The following DGKG variants were observed in gnomAD, a reference collection of about 807,000 sequenced individuals.
DGKG encodes the protein DAG kinase gamma.
A neutral mutation model predicts 105.3 loss-of-function variants in DGKG; 78 were observed. The ratio of observed to expected loss-of-function variants is 0.74; its 90% CI spans 0.62 to 0.89. DGKG has a LOEUF of 0.89. Ranked by LOEUF, DGKG falls within the 40% of genes least tolerant of loss-of-function variation. The probability of loss-of-function intolerance (pLI) is 0.00; values close to 1 mark genes in which losing one functional copy is unlikely to be tolerated. For synonymous variants in DGKG, 346 were observed against 367.1 expected (o/e 0.94, Z 0.66); for missense variants, 958 against 1,020.1 (o/e 0.94, Z 0.83).
intron 20 of DGKG, 128 bp from the exon 21 acceptor site, chr3:186,212,013 G>T (rs939860735): frequency 4.3e-6 from 3 of 691,028 alleles, no homozygotes; most frequent in African/African-American, 3.6e-5. Context: ...TTCAGCACTT[G>T]TTAATCAGAT....
intron 22 of DGKG, among the ~76,000 whole-genome samples, chr3:186,179,722 T>C (rs1717266816): frequency 6.6e-6 from 1 of 152,162 alleles, no homozygotes; most frequent in African/African-American, 2.4e-5. Flanking sequence ...CCAGATGCCA[T>C]GAGAGGTCTG....
chr3:186,358,666 T>A (rs376877031), intron 1 of DGKG, among the ~76,000 whole-genome samples: 16 of 152,306 alleles, frequency 1.1e-4, no homozygotes, highest in East Asian at 7.7e-4. Flanking sequence ...TTTCTTTTTT[T>A]TTTTTAGTCA....
intron 20 of DGKG, among the ~76,000 whole-genome samples, chr3:186,220,282 C>G (rs1357494843): frequency 6.6e-6 from 1 of 152,164 alleles, no homozygotes; most frequent in African/African-American, 2.4e-5. Context: ...AAATAGTGCA[C>G]TATTCCATAG....
intron 3 of DGKG, 119 bp from the exon 4 acceptor site, chr3:186,298,348 C>T: frequency 2.2e-6 from 2 of 919,826 alleles, no homozygotes; most frequent in Non-Finnish European, 3.2e-6. Context: ...GGCAGTAGGA[C>T]ATGGAGGAGC....
intron 24 of DGKG, chr3:186,161,236 A>C (rs1158169035): frequency 1.7e-5 from 17 of 1,025,806 alleles, no homozygotes; most frequent in Non-Finnish European, 2.0e-5. Context: ...CTTGTTCATC[A>C]GCAGAACAGT....
In DGKG at chr3:186,262,044, C is replaced by T. The variant is rs1049523302; in HGVS notation, c.1270-266G>A. ...GATGCTGTAGCTTCAAATCATTCAA[C>T]GATGACGTGGTCTTGTACCTACAGC... On this transcript the variant is annotated intron_variant, in intron 14 of 24. Coordinates refer to ENST00000265022, the MANE Select transcript of DGKG (RefSeq NM_001346.3). 35 of 369,426 alleles carry T rather than the reference C, an allele frequency of 9.5e-5. No homozygotes were observed. The East Asian group carries it at 1.7e-3, about 18-fold the overall frequency. 22.9% of individuals were successfully genotyped at this position (369,426 alleles called of 1,614,324 possible). A position where few individuals can be genotyped will look rare whatever the true frequency, so the allele number is the denominator to read the frequency against.
In DGKG at chr3:186,188,335, G is replaced by T; in HGVS notation, c.1962C>A (p.Gly654=). 2 of 1,614,128 alleles carry T rather than the reference G, an allele frequency of 1.2e-6. No individual in the cohort carries two copies. Among genetic ancestry groups the T allele is most frequent in the Non-Finnish European group, 1.7e-6 (2 of 1,180,036 alleles). ...GVDLSNIFLE[G]IAILNIPSMY... ...TGCTGGGAATGTTGAGAATGGCAAT[G>T]CCTTCCAGGAAGATGTTGCTCAGGT... is the stretch of plus-strand genomic sequence containing the variant. Residue 654 remains glycine, a synonymous_variant, in exon 22 of 25, where the codon GGC becomes GGA. Coordinates refer to ENST00000265022, the MANE Select transcript of DGKG (RefSeq NM_001346.3).
intron 1 of DGKG, among the ~76,000 whole-genome samples, chr3:186,353,700 CTATA>C (rs199833585): frequency 1.9e-5 from 2 of 108,010 alleles, no homozygotes; most frequent in African/African-American, 7.0e-5. Flanking sequence ...ATATCTATAT[CTATA>C]TAACAGTGGA....
intron 1 of DGKG, among the ~76,000 whole-genome samples, chr3:186,328,171 A>G (rs1367447220): frequency 6.6e-6 from 1 of 152,218 alleles, no homozygotes; most frequent in Non-Finnish European, 1.5e-5. Context: ...CTTTAGATCC[A>G]GATTAAAAGG....
At chr3:186,303,352 A>G (rs1016400063) in intron 3 of DGKG, among the ~76,000 whole-genome samples, 3 of 152,080 alleles carry the variant, frequency 2.0e-5, no homozygotes, top group East Asian at 3.8e-4. Flanking sequence ...TCCCAGGCAC[A>G]CTCATGGTTC....
chr3:186,322,281 T>C (rs1010500691), intron 1 of DGKG, among the ~76,000 whole-genome samples: 1 of 152,122 alleles, frequency 6.6e-6, no homozygotes, highest in African/African-American at 2.4e-5. Context: ...TGCAGCAACA[T>C]GGATGGAGCT....
At chr3:186,184,696 G>A (rs1355556458) in intron 22 of DGKG, among the ~76,000 whole-genome samples, 3 of 152,040 alleles carry the variant, frequency 2.0e-5, no homozygotes, top group East Asian at 1.9e-4. Context: ...CACTGCGCCC[G>A]GCCTGATGAG....
intron 22 of DGKG, among the ~76,000 whole-genome samples, chr3:186,184,983 C>A (rs559330682): frequency 1.3e-5 from 2 of 152,270 alleles, no homozygotes; most frequent in East Asian, 3.9e-4. Context: ...TCTGACTATG[C>A]CTTAATTTTG....
Position 186,149,761 on chromosome 3 carries a change from G to C in DGKG, c.*329C>G, listed in dbSNP as rs2574. On this transcript the variant is annotated 3_prime_UTR_variant, in exon 25 of 25. Transcript: ENST00000265022. Reference sequence around the variant, plus strand: ...ACTTGCAGGGCTGGTAGAAAGAAAGGGGGATTTCCCTTCAGTCTCAGAAAA... The same window carrying C: ...ACTTGCAGGGCTGGTAGAAAGAAAGCGGGATTTCCCTTCAGTCTCAGAAAA... The C allele has an allele frequency of 0.5, 525,007 of 1,058,324 alleles. 131,514 individuals are homozygous for C. The highest frequency in any genetic ancestry group is 0.74 in the East Asian group (9,912 of 13,366). 65.6% of individuals were successfully genotyped at this position (1,058,324 alleles called of 1,614,324 possible). A position where few individuals can be genotyped will look rare whatever the true frequency, so the allele number is the denominator to read the frequency against.
chr3:186,291,186 A>T (rs1241982713), intron 5 of DGKG, among the ~76,000 whole-genome samples: 1 of 152,022 alleles, frequency 6.6e-6, no homozygotes, highest in Non-Finnish European at 1.5e-5. Flanking sequence ...TAAATTCTAT[A>T]CAAATTCTTC....
chr3:186,163,082 T>C, intron 23 of DGKG, among the ~76,000 whole-genome samples: 1 of 152,178 alleles, frequency 6.6e-6, no homozygotes, highest in Admixed American at 6.5e-5. Flanking sequence ...TATAGCTCAC[T>C]GCAGCCTCGA....
rs539602962 is a variant in DGKG at position 186,201,700 on chromosome 3, G to A, written c.1917+10095C>T. On this transcript the variant is annotated intron_variant, in intron 21 of 24. Coordinates refer to ENST00000265022, the MANE Select transcript of DGKG (RefSeq NM_001346.3). ...TTCTGGTAGCTTCCAAGAAAAAGGC[G>A]GGACTTGAGGCTGGCCAAGTGATCA... 7.9e-5 allele frequency among the ~76,000 whole-genome samples: 12 copies of A among 152,296 alleles called. 2 individuals carry two copies. The South Asian group carries it at 1.4e-3, about 18-fold the overall frequency.
Position 186,210,846 on chromosome 3 carries a change from C to T in DGKG, c.1917+949G>A, listed in dbSNP as rs115589449. Among the ~76,000 whole-genome samples, 751 of 152,346 alleles carry T rather than the reference C, an allele frequency of 4.9e-3. 18 individuals are homozygous for T. The South Asian group carries it at 0.065, about 13-fold the overall frequency. Reference sequence around the variant, plus strand: ...AAGAAGACTACGGGCCTAAATCCCACGGGAAGGTAGGCCTGGTAGCAAGAA... The same window carrying T: ...AAGAAGACTACGGGCCTAAATCCCATGGGAAGGTAGGCCTGGTAGCAAGAA... On this transcript the variant is annotated intron_variant, in intron 21 of 24. Coordinates refer to ENST00000265022, the MANE Select transcript of DGKG (RefSeq NM_001346.3). This position sits in a 1 kb window ranked among gnomAD's most constrained non-coding sequence, Gnocchi z 5.2.
At chr3:186,207,472 T>C in intron 21 of DGKG, 4 of 985,464 alleles carry the variant, frequency 4.1e-6, no homozygotes, top group South Asian at 4.7e-5. Flanking sequence ...TTATGACACC[T>C]GCCACTTAGG....
Sources: allele counts gnomAD v4.1 joint callset (sites outside exome capture counted in the v4.1 genomes callset), GRCh38; gene constraint gnomAD v4.1.1; non-coding constraint Gnocchi (gnomAD v3.1); transcripts MANE v1.5; gene names NCBI Gene and HGNC (gene_info 2026-07-23, HGNC 2026-07-21).